The following RANBP2 variants were observed in gnomAD, a reference collection of about 807,000 sequenced individuals.
RANBP2 encodes E3 SUMO-protein ligase RanBP2.
In RANBP2, 57 loss-of-function variants were observed where a neutral mutation model predicts 303.6. The ratio of observed to expected loss-of-function variants is 0.19; its 90% CI spans 0.15 to 0.23. The LOEUF (loss-of-function observed/expected upper bound fraction) is 0.23. RANBP2 is among the 10% of genes least tolerant of loss of function. The pLI is 1.00. For synonymous variants in RANBP2, 1,167 were observed against 1,301.5 expected (o/e 0.90, Z 2.23); for missense variants, 3,138 against 3,780.8 (o/e 0.83, Z 4.46).
At chr2:109,498,527 C>T in the RANBP2 span, among the ~76,000 whole-genome samples, 25 of 152,312 alleles carry the variant, frequency 1.6e-4, no homozygotes, top group South Asian at 2.5e-3. Flanking sequence ...TCTGTGAACA[C>T]GTGGGGTGGG....
At chr2:109,068,098 A>G in the RANBP2 span, among the ~76,000 whole-genome samples, 1 of 152,122 alleles carries the variant, frequency 6.6e-6, no homozygotes, top group Non-Finnish European at 1.5e-5. Context: ...GCTGCCACCC[A>G]CACCACCCCC....
chr2:109,673,991 G>A, the RANBP2 span, among the ~76,000 whole-genome samples: 9 of 152,116 alleles, frequency 5.9e-5, no homozygotes, highest in African/African-American at 1.9e-4. Flanking sequence ...TATTTATTGG[G>A]CAGCTGAGAT....
chr2:108,839,692 T>C, the RANBP2 span, among the ~76,000 whole-genome samples: 17 of 152,256 alleles, frequency 1.1e-4, no homozygotes, highest in African/African-American at 4.1e-4. Context: ...TGATAATATA[T>C]AGAAGTAAAA....
At chr2:109,110,528 C>T in the RANBP2 span, among the ~76,000 whole-genome samples, 1 of 152,168 alleles carries the variant, frequency 6.6e-6, no homozygotes, top group Non-Finnish European at 1.5e-5. Flanking sequence ...ACACCTGGAA[C>T]TGAGGGAGAC....
the RANBP2 span, among the ~76,000 whole-genome samples, chr2:108,880,307 T>C: frequency 1.3e-5 from 2 of 152,084 alleles, no homozygotes; most frequent in Admixed American, 1.3e-4. Context: ...TGTTCATAGA[T>C]AGGAAGACTC....
the RANBP2 span, among the ~76,000 whole-genome samples, chr2:109,116,240 C>G: frequency 6.6e-6 from 1 of 152,202 alleles, no homozygotes; most frequent in Non-Finnish European, 1.5e-5. Context: ...CAACTTGGTT[C>G]CATTCTCCCT....
the RANBP2 span, among the ~76,000 whole-genome samples, chr2:109,462,231 C>G: frequency 1.3e-5 from 2 of 150,780 alleles, no homozygotes; most frequent in African/African-American, 4.9e-5. Flanking sequence ...TCCCTGCAAA[C>G]TATTTTGTGA....
At chr2:109,339,093 T>G in the RANBP2 span, among the ~76,000 whole-genome samples, 1 of 152,192 alleles carries the variant, frequency 6.6e-6, no homozygotes. Context: ...CTTCATCATC[T>G]TCACGTTGTG....
chr2:109,415,670 T>A, the RANBP2 span, among the ~76,000 whole-genome samples: 2 of 152,048 alleles, frequency 1.3e-5, no homozygotes, highest in South Asian at 4.1e-4. Context: ...ACCAGAACAC[T>A]CTCAGGAGGC....
the RANBP2 span, among the ~76,000 whole-genome samples, chr2:109,164,982 T>A: frequency 1.3e-5 from 2 of 152,320 alleles, no homozygotes; most frequent in Middle Eastern, 3.4e-3. Context: ...TAAAGCCTCT[T>A]CTTAGTCATC....
At chr2:109,728,138 A>G in the RANBP2 span, among the ~76,000 whole-genome samples, 2 of 152,166 alleles carry the variant, frequency 1.3e-5, no homozygotes, top group Non-Finnish European at 2.9e-5. Context: ...AGAGGCTCGC[A>G]TGGAGAAAAA....
At chr2:108,844,784 G>A in the RANBP2 span, among the ~76,000 whole-genome samples, 40 of 137,472 alleles carry the variant, frequency 2.9e-4, no homozygotes, top group Non-Finnish European at 4.6e-5. Context: ...GTCTTGCTCT[G>A]TCATCCAGGC....
chr2:109,118,561 A>C, the RANBP2 span, among the ~76,000 whole-genome samples: 1 of 149,966 alleles, frequency 6.7e-6, no homozygotes, highest in African/African-American at 2.4e-5. Flanking sequence ...CTGGACTGGC[A>C]AAACAGAATA....
At chr2:109,281,689 A>G in the RANBP2 span, among the ~76,000 whole-genome samples, 1 of 152,146 alleles carries the variant, frequency 6.6e-6, no homozygotes, top group African/African-American at 2.4e-5. Context: ...TCTTAGATTC[A>G]GGGTAGAGGA....
the RANBP2 span, among the ~76,000 whole-genome samples, chr2:109,222,033 A>G: frequency 6.6e-6 from 1 of 152,198 alleles, no homozygotes; most frequent in East Asian, 1.9e-4. Flanking sequence ...GAATGAAATC[A>G]TGTCATTTGC....
intron 20 of RANBP2, among the ~76,000 whole-genome samples, chr2:108,771,455 A>T (rs772303299): frequency 8.4e-4 from 127 of 151,482 alleles, no homozygotes; most frequent in Non-Finnish European, 1.5e-3. Flanking sequence ...GTAAACACAA[A>T]TTTTTTTTTG....
chr2:109,614,640 C>A, the RANBP2 span: 1 of 1,467,228 alleles, frequency 6.8e-7, no homozygotes. Context: ...GCAGCGCGCC[C>A]GCGCCCGCGC....
intron 13 of RANBP2, 45 bp downstream of exon 13, chr2:108,753,204 G>A (rs1197483506): frequency 6.2e-7 from 1 of 1,611,398 alleles, no homozygotes; most frequent in Middle Eastern, 2.3e-4. Context: ...GGAATTTCCA[G>A]TTTATAAACA....
At chr2:109,480,685 G>A in the RANBP2 span, among the ~76,000 whole-genome samples, 14 of 152,250 alleles carry the variant, frequency 9.2e-5, no homozygotes, top group African/African-American at 3.1e-4. Context: ...GAGGGGTGGA[G>A]CACACTGGGT....
Sources: allele counts gnomAD v4.1 joint callset (sites outside exome capture counted in the v4.1 genomes callset), GRCh38; gene constraint gnomAD v4.1.1; transcripts MANE v1.5; gene names NCBI Gene and HGNC (gene_info 2026-07-23, HGNC 2026-07-21).